Variants in PRKG1 observed in about 807,000 individuals in gnomAD.
PRKG1 encodes cGMP-dependent protein kinase 1.
PRKG1 carries 35 observed loss-of-function variants against 88.1 expected under a neutral mutation model. The observed-to-expected ratio is 0.40, with a 90% confidence interval of 0.30 to 0.53. The LOEUF (loss-of-function observed/expected upper bound fraction) is 0.53. Ranked by LOEUF, PRKG1 falls within the 20% of genes least tolerant of loss-of-function variation. The pLI, the probability that PRKG1 is intolerant of heterozygous loss-of-function variation, is 0.59. For synonymous variants in PRKG1, 303 were observed against 292.5 expected (o/e 1.04, Z -0.37); for missense variants, 540 against 839.8 (o/e 0.64, Z 4.41).
chr10:51,177,859 A>T (rs999714684), intron 2 of PRKG1, among the ~76,000 whole-genome samples: 6 of 151,978 alleles, frequency 3.9e-5, no homozygotes, highest in African/African-American at 1.4e-4. Flanking sequence ...ATTCTGACTG[A>T]TATTAATTCC....
At chr10:52,166,787 CTA>C (rs201538311) in intron 9 of PRKG1, among the ~76,000 whole-genome samples, 1 of 12,446 alleles carries the variant, frequency 8.0e-5, no homozygotes, top group Admixed American at 2.0e-3. Flanking sequence ...ATAAAAAAGC[CTA>C]TATATATACA....
chr10:51,762,311 C>T (rs1457808407), intron 3 of PRKG1, among the ~76,000 whole-genome samples: 1 of 152,100 alleles, frequency 6.6e-6, no homozygotes, highest in Non-Finnish European at 1.5e-5. Context: ...TTAGGCTCCT[C>T]ATATTTGGAT....
At chr10:52,290,010 A>T (rs1842204055) in intron 16 of PRKG1, among the ~76,000 whole-genome samples, 1 of 152,184 alleles carries the variant, frequency 6.6e-6, no homozygotes, top group African/African-American at 2.4e-5. Flanking sequence ...GTTGCATGTT[A>T]ATTGGTGTTT....
intron 1 of PRKG1, among the ~76,000 whole-genome samples, chr10:51,035,833 T>C (rs1459744729): frequency 1.3e-5 from 2 of 152,190 alleles, no homozygotes; most frequent in African/African-American, 4.8e-5. Flanking sequence ...CCATTAACAT[T>C]CTCTTATATG....
chr10:51,348,250 C>T (rs757584988), intron 2 of PRKG1, among the ~76,000 whole-genome samples: 24 of 152,176 alleles, frequency 1.6e-4, no homozygotes, highest in Non-Finnish European at 2.8e-4. Context: ...CACACACACT[C>T]TCCTGCCCTT....
At chr10:51,578,423 T>A (rs1837942534) in intron 3 of PRKG1, among the ~76,000 whole-genome samples, 1 of 152,182 alleles carries the variant, frequency 6.6e-6, no homozygotes, top group South Asian at 2.1e-4. Flanking sequence ...TTCTGTCCAA[T>A]CCTCATCTTT....
chr10:51,764,857 G>A (rs1838116705), intron 3 of PRKG1, among the ~76,000 whole-genome samples: 3 of 152,150 alleles, frequency 2.0e-5, no homozygotes, highest in African/African-American at 7.2e-5. Flanking sequence ...TGGGATTAGT[G>A]CTCTTATCAA....
At chr10:51,463,071 G>T (rs1839787903) in intron 2 of PRKG1, among the ~76,000 whole-genome samples, 1 of 152,024 alleles carries the variant, frequency 6.6e-6, no homozygotes, top group South Asian at 2.1e-4. Flanking sequence ...ACTTAGTAAG[G>T]TGCTTGGAAA....
intron 2 of PRKG1, among the ~76,000 whole-genome samples, chr10:51,232,244 C>A (rs1469075751): frequency 2.0e-5 from 3 of 152,144 alleles, no homozygotes; most frequent in Non-Finnish European, 4.4e-5. Context: ...TTCAGCTGAA[C>A]CTCTGTGCTA....
chr10:51,353,417 C>A (rs180853120), intron 2 of PRKG1, among the ~76,000 whole-genome samples: 1 of 151,588 alleles, frequency 6.6e-6, no homozygotes, highest in South Asian at 2.1e-4. Flanking sequence ...GGATTAATAA[C>A]GAGAATATAG....
At chr10:52,187,705 C>G (rs1218518980) in intron 9 of PRKG1, among the ~76,000 whole-genome samples, 1 of 152,162 alleles carries the variant, frequency 6.6e-6, no homozygotes, top group Non-Finnish European at 1.5e-5. Flanking sequence ...TATTGTCATT[C>G]TGCTGCTCGT....
intron 4 of PRKG1, among the ~76,000 whole-genome samples, chr10:51,822,416 G>A (rs1401608975): frequency 1.3e-5 from 2 of 152,024 alleles, no homozygotes; most frequent in Admixed American, 6.6e-5. Context: ...TATAGGGCTA[G>A]GAATTGGGGA....
intron 7 of PRKG1, among the ~76,000 whole-genome samples, chr10:52,073,710 C>G (rs1846560939): frequency 6.6e-6 from 1 of 152,112 alleles, no homozygotes; most frequent in South Asian, 2.1e-4. Context: ...TCTGAAGATG[C>G]CTGGACCCAT....
intron 4 of PRKG1, among the ~76,000 whole-genome samples, chr10:51,891,181 G>A (rs1002010579): frequency 6.6e-6 from 1 of 152,056 alleles, no homozygotes; most frequent in Non-Finnish European, 1.5e-5. Flanking sequence ...GGAAGATCAC[G>A]TGAGCTCAGG....
chr10:51,764,734 T>C (rs1838111380), intron 3 of PRKG1, among the ~76,000 whole-genome samples: 1 of 152,174 alleles, frequency 6.6e-6, no homozygotes. Flanking sequence ...ATTGTCTGAA[T>C]GTTTGGTCTC....
At chr10:52,037,605 T>TTTAGGCTCTTTCTTTA (rs1190088437) in intron 5 of PRKG1, among the ~76,000 whole-genome samples, 33 of 152,180 alleles carry the variant, frequency 2.2e-4, no homozygotes, top group Non-Finnish European at 3.8e-4. Flanking sequence ...CTATCTGATT[T>TTTAGGCTCTTTCTTTA]GGGATAAAGA....
At chr10:51,471,755 G>C (rs1840054603) in intron 3 of PRKG1, among the ~76,000 whole-genome samples, 1 of 151,930 alleles carries the variant, frequency 6.6e-6, no homozygotes, top group Non-Finnish European at 1.5e-5. Flanking sequence ...AGTGCCTCCA[G>C]ACCTTTGGTC....
At chr10:51,792,717 C>T (rs1330116231) in intron 3 of PRKG1, among the ~76,000 whole-genome samples, 1 of 152,130 alleles carries the variant, frequency 6.6e-6, no homozygotes, top group Non-Finnish European at 1.5e-5. Flanking sequence ...TGTGATCCCT[C>T]ACATCCATCT....
chr10:51,809,353 A>G (rs1007866037), intron 4 of PRKG1, among the ~76,000 whole-genome samples: 25 of 152,096 alleles, frequency 1.6e-4, no homozygotes, highest in African/African-American at 6.0e-4. Context: ...AAGTCAAACG[A>G]TGATTTTGCC....
Sources: gnomAD v4.1 joint callset for allele counts (sites outside exome capture counted in the v4.1 genomes callset) on GRCh38, gnomAD v4.1.1 for gene constraint, MANE v1.5 for transcripts, NCBI Gene and HGNC (gene_info 2026-07-23, HGNC 2026-07-21) for gene names.